ATP8B1: variants seen among roughly 807,000 people sequenced by gnomAD.
ATP8B1 encodes the protein ATPase phospholipid transporting 8B1, also known as phospholipid-transporting ATPase IC.
A neutral mutation model predicts 149.9 loss-of-function variants in ATP8B1; 80 were observed. That is an observed-to-expected ratio of 0.53 (90% CI 0.45 to 0.64). The LOEUF is 0.64. ATP8B1 is among the 30% of genes least tolerant of loss of function. The pLI, the probability that ATP8B1 is intolerant of heterozygous loss-of-function variation, is 0.00. For synonymous variants in ATP8B1, 536 were observed against 562.8 expected, an observed-to-expected ratio of 0.95 and a Z score of 0.67; for missense variants, 1,247 against 1,552.6, an observed-to-expected ratio of 0.80 and a Z score of 3.31.
At chr18:57,699,573 A>C (rs999929909) in intron 6 of ATP8B1, among the ~76,000 whole-genome samples, 1 of 152,050 alleles carries the variant, frequency 6.6e-6, no homozygotes. Flanking sequence ...AAATACAAAA[A>C]ATTAGCCAGG....
intron 16 of ATP8B1, 82 bp from the exon 17 acceptor site, chr18:57,671,662 G>T (rs765807966): frequency 6.0e-6 from 6 of 993,134 alleles, no homozygotes; most frequent in Non-Finnish European, 9.4e-6. Flanking sequence ...TTGCTCTGTT[G>T]TCCAGGCTGG....
chr18:57,673,644 A>C, intron 16 of ATP8B1, among the ~76,000 whole-genome samples: 1 of 150,780 alleles, frequency 6.6e-6, no homozygotes, highest in East Asian at 1.9e-4. Flanking sequence ...ATATAGGTAT[A>C]TATAATGAAA....
In ATP8B1 at chr18:57,759,155, C is replaced by CA. The variant is rs566728161; in HGVS notation, c.-25-27324dup. 4.9e-3 allele frequency among the ~76,000 whole-genome samples: 521 copies of CA among 106,240 alleles called. 14 individuals are homozygous for CA. The highest frequency in any genetic ancestry group is 0.014 in the East Asian group (41 of 2,936). 69.7% of individuals were successfully genotyped at this position (106,240 alleles called of 152,430 possible). On this transcript the variant is annotated intron_variant, in intron 1 of 27. Coordinates refer to ENST00000648908, the MANE Select transcript of ATP8B1 (RefSeq NM_001374385.1). ...TGGGCGACAGAACGAGATTCCATCTCAAAAAAAAAAAAAAAAAAAAAAAAA... is the reference window on the plus strand; with the variant it reads ...TGGGCGACAGAACGAGATTCCATCTCAAAAAAAAAAAAAAAAAAAAAAAAAA...
intron 11 of ATP8B1, among the ~76,000 whole-genome samples, chr18:57,692,461 C>A (rs555009102): frequency 1.7e-5 from 2 of 117,692 alleles, no homozygotes; most frequent in East Asian, 5.5e-4. Flanking sequence ...TTTTAGACAG[C>A]GTCTCACTGT....
intron 22 of ATP8B1, among the ~76,000 whole-genome samples, chr18:57,658,439 C>T (rs944039818): frequency 3.5e-4 from 54 of 152,286 alleles, no homozygotes; most frequent in African/African-American, 1.2e-3. Context: ...GAGATATCTT[C>T]AGGTAGGATA....
At chr18:57,661,524 C>A in intron 21 of ATP8B1, 62 bp from the exon 22 acceptor site, 1 of 1,535,456 alleles carries the variant, frequency 6.5e-7, no homozygotes. Flanking sequence ...AGTACCATTC[C>A]CAAGATTTAA....
intron 20 of ATP8B1, among the ~76,000 whole-genome samples, chr18:57,665,031 C>T (rs1247037677): frequency 6.6e-6 from 1 of 152,022 alleles, no homozygotes; most frequent in Non-Finnish European, 1.5e-5. Flanking sequence ...CCTCTACCCA[C>T]TAGAAGCCAG....
At chr18:57,787,583 G>T (rs567732188) in intron 1 of ATP8B1, among the ~76,000 whole-genome samples, 1 of 152,160 alleles carries the variant, frequency 6.6e-6, no homozygotes, top group Non-Finnish European at 1.5e-5. Context: ...TGTTGGCTCC[G>T]CTATACCATT....
intron 1 of ATP8B1, among the ~76,000 whole-genome samples, chr18:57,791,437 G>A (rs936305211): frequency 7.1e-6 from 1 of 140,324 alleles, no homozygotes; most frequent in Admixed American, 7.5e-5. Context: ...TGTAAACTCC[G>A]CCTCCTGAGT....
chr18:57,691,277 T>C (rs1204037144), intron 12 of ATP8B1, among the ~76,000 whole-genome samples: 1 of 151,792 alleles, frequency 6.6e-6, no homozygotes, highest in Non-Finnish European at 1.5e-5. Flanking sequence ...GTTGTTGTGG[T>C]TGAGATTTGA....
Position 57,759,142 on chromosome 18 carries a change from C to T in ATP8B1, c.-25-27310G>A, listed in dbSNP as rs188463696. ...CTGCACTCCAGCCTGGGCGACAGAA[C>T]GAGATTCCATCTCAAAAAAAAAAAA... On this transcript the variant is annotated intron_variant, in intron 1 of 27. Transcript: ENST00000648908. Among the ~76,000 whole-genome samples, 8 of 113,744 alleles carry T rather than the reference C, an allele frequency of 7.0e-5. No individual in the cohort carries two copies. In the East Asian group the frequency reaches 7.1e-4, roughly 10 times the overall value. 74.6% of individuals were successfully genotyped at this position (113,744 alleles called of 152,430 possible). A position where few individuals can be genotyped will look rare whatever the true frequency, so the allele number is the denominator to read the frequency against.
Position 57,691,864 on chromosome 18 carries a change from A to G in ATP8B1, c.1163T>C (p.Ile388Thr), listed in dbSNP as rs1307990988. Reference protein sequence around the residue: ...DDTPSYRGFLIFWGYIIVLNT... With the variant: ...DDTPSYRGFLTFWGYIIVLNT... ...GAGAACAATGATATAGCCCCAGAAA[A>G]TGAGGAATCCACGGTAGGAGGGTGT... Residue 388 changes from isoleucine (I) to threonine (T), a missense_variant, in exon 12 of 28, where the codon ATT (isoleucine) becomes ACT (threonine). By Grantham distance (89) the Ile-to-Thr change is moderately conservative. Coordinates refer to ENST00000648908, the MANE Select transcript of ATP8B1 (RefSeq NM_001374385.1). 1 of 1,614,062 alleles carries G rather than the reference A, an allele frequency of 6.2e-7. No homozygotes were observed. The highest frequency in any genetic ancestry group is 2.2e-5 in the East Asian group (1 of 44,894).
At chr18:57,675,664 G>T (rs899489375) in intron 15 of ATP8B1, among the ~76,000 whole-genome samples, 1 of 152,034 alleles carries the variant, frequency 6.6e-6, no homozygotes, top group South Asian at 2.1e-4. Flanking sequence ...CTAATGAGTC[G>T]CTAGGGCTAC....
chr18:57,674,405 G>A (rs1157118025), intron 16 of ATP8B1, among the ~76,000 whole-genome samples: 26 of 31,982 alleles, frequency 8.1e-4, no homozygotes, highest in African/African-American at 1.8e-3. Context: ...TTTTTTTTGA[G>A]ACGGAGTCTT....
intron 6 of ATP8B1, among the ~76,000 whole-genome samples, chr18:57,700,616 C>T (rs1175776141): frequency 1.3e-5 from 2 of 152,002 alleles, no homozygotes; most frequent in Non-Finnish European, 2.9e-5. Flanking sequence ...AACAGGGGTA[C>T]ATACTCATTA....
At chr18:57,698,406 C>T (rs1422750851) in intron 6 of ATP8B1, among the ~76,000 whole-genome samples, 2 of 152,082 alleles carry the variant, frequency 1.3e-5, no homozygotes, top group Admixed American at 6.5e-5. Flanking sequence ...TGCAGTGGCA[C>T]GATCTCAGCT....
chr18:57,704,802 G>T, intron 3 of ATP8B1, 134 bp from the exon 4 acceptor site: 1 of 701,314 alleles, frequency 1.4e-6, no homozygotes, highest in Non-Finnish European at 2.5e-6. Flanking sequence ...TGAGGATTTT[G>T]TCTGGGTGCG....
chr18:57,708,622 C>A (rs555177475), intron 2 of ATP8B1: 2 of 152,124 alleles, frequency 1.3e-5, no homozygotes, highest in African/African-American at 2.4e-5. Flanking sequence ...ACCACTGTTA[C>A]GCATTTCAGG....
chr18:57,713,692 G>A (rs9946961), intron 2 of ATP8B1, among the ~76,000 whole-genome samples: 3 of 100,966 alleles, frequency 3.0e-5, no homozygotes, highest in Admixed American at 2.1e-4. Flanking sequence ...GTTGCACCAT[G>A]TTGGTCAGGC....
Sources: allele counts gnomAD v4.1 joint callset (sites outside exome capture counted in the v4.1 genomes callset), GRCh38; gene constraint gnomAD v4.1.1; transcripts MANE v1.5; gene names NCBI Gene and HGNC (gene_info 2026-07-23, HGNC 2026-07-21).